The following NSMCE2 variants were observed in gnomAD, a reference collection of about 807,000 sequenced individuals.
NSMCE2 encodes the protein E3 SUMO-protein ligase NSE2.
Under a neutral mutation model 23.8 loss-of-function variants are expected in NSMCE2, and 24 were observed. The ratio of observed to expected loss-of-function variants is 1.01; its 90% confidence interval spans 0.73 to 1.42. NSMCE2 has a LOEUF of 1.42. Ranked by LOEUF, NSMCE2 falls within the 40% of genes most tolerant of loss-of-function variation. NSMCE2 has a pLI of 0.00. For missense variants in NSMCE2, 284 were observed against 296.5 expected (o/e 0.96, Z 0.31); for synonymous variants, 92 against 94.1 (o/e 0.98, Z 0.13).
rs536723257 is a variant in NSMCE2, at chr8:125,287,835, C to T, written c.419-69384C>T. ...CCTCTCTGCAGAATATCTCCAGTGA[C>T]CTGCACATTGCCAGTTTTCCAATCC... On this transcript the variant is annotated intron_variant, in intron 5 of 7. Transcript: ENST00000287437. Among the ~76,000 whole-genome samples the T allele has an allele frequency of 5.9e-5, 9 of 152,318 alleles. No individual in the cohort carries two copies. The South Asian group carries it at 1.7e-3, about 28-fold the overall frequency.
At chr8:125,143,273 A>G (rs763379139) in intron 3 of NSMCE2, among the ~76,000 whole-genome samples, 27 of 152,330 alleles carry the variant, frequency 1.8e-4, no homozygotes, top group Non-Finnish European at 2.1e-4. Flanking sequence ...TTATCCAAAA[A>G]GAATAGATGT....
intron 5 of NSMCE2, among the ~76,000 whole-genome samples, chr8:125,245,046 G>T (rs1279748070): frequency 1.3e-5 from 2 of 152,162 alleles, no homozygotes; most frequent in Non-Finnish European, 2.9e-5. Context: ...ACTTCAGGAG[G>T]CCAAGGCAGC....
intron 5 of NSMCE2, among the ~76,000 whole-genome samples, chr8:125,256,731 C>T (rs1426288776): frequency 6.6e-6 from 1 of 151,684 alleles, no homozygotes; most frequent in Non-Finnish European, 1.5e-5. Flanking sequence ...CGGGACCATC[C>T]TGGCTAACAT....
At chr8:125,144,585 G>A (rs560116002) in intron 3 of NSMCE2, among the ~76,000 whole-genome samples, 1 of 152,274 alleles carries the variant, frequency 6.6e-6, no homozygotes, top group Admixed American at 6.5e-5. Context: ...AGTCACAAAG[G>A]ACCTGGAATT....
intron 5 of NSMCE2, among the ~76,000 whole-genome samples, chr8:125,317,294 C>T (rs1339073846): frequency 6.6e-6 from 1 of 151,838 alleles, no homozygotes; most frequent in Admixed American, 6.6e-5. Flanking sequence ...ACCTCCTGGG[C>T]TTAAGTGATC....
intron 4 of NSMCE2, among the ~76,000 whole-genome samples, chr8:125,152,832 C>A (rs1161124904): frequency 6.6e-6 from 1 of 151,826 alleles, no homozygotes; most frequent in Non-Finnish European, 1.5e-5. Flanking sequence ...CCGAGGCAGG[C>A]GGATCACCTG....
At chr8:125,119,726 G>A (rs74596664) in intron 3 of NSMCE2, among the ~76,000 whole-genome samples, 3,563 of 152,136 alleles carry the variant, frequency 0.023, 131 homozygotes, top group African/African-American at 0.079. Context: ...AAAATTTTAC[G>A]TCTTCTAGTA....
chr8:125,187,913 G>T (rs1213348436), intron 5 of NSMCE2, among the ~76,000 whole-genome samples: 1 of 152,028 alleles, frequency 6.6e-6, no homozygotes, highest in South Asian at 2.1e-4. Context: ...TATCTGAAAA[G>T]GTTCACCACA....
chr8:125,129,676 C>G (rs1051782505), intron 3 of NSMCE2, among the ~76,000 whole-genome samples: 1 of 151,892 alleles, frequency 6.6e-6, no homozygotes, highest in Non-Finnish European at 1.5e-5. Context: ...ATTGTTTATA[C>G]TAAATAATAG....
intron 5 of NSMCE2, chr8:125,348,785 C>T (rs1812895516): frequency 6.6e-6 from 1 of 152,126 alleles, no homozygotes; most frequent in African/African-American, 2.4e-5. Context: ...AACTGTGAGT[C>T]CATTAAACTT....
At chr8:125,113,014 C>T (rs1253407354) in intron 3 of NSMCE2, among the ~76,000 whole-genome samples, 1 of 128,166 alleles carries the variant, frequency 7.8e-6, no homozygotes, top group Non-Finnish European at 1.6e-5. Flanking sequence ...TAATTTTTGT[C>T]AATTAAAAAT....
At chr8:125,257,314 G>A (rs1826476810) in intron 5 of NSMCE2, among the ~76,000 whole-genome samples, 2 of 151,308 alleles carry the variant, frequency 1.3e-5, no homozygotes, top group African/African-American at 2.4e-5. Context: ...GACATTTAAA[G>A]GAAAATGTGC....
chr8:125,164,553 C>T (rs1341146143), intron 4 of NSMCE2, among the ~76,000 whole-genome samples: 1 of 151,952 alleles, frequency 6.6e-6, no homozygotes, highest in African/African-American at 2.4e-5. Context: ...ACTGATGTGG[C>T]GTGTGTTAGA....
At chr8:125,324,055 T>G (rs1422414749) in intron 5 of NSMCE2, among the ~76,000 whole-genome samples, 1 of 152,176 alleles carries the variant, frequency 6.6e-6, no homozygotes, top group East Asian at 1.9e-4. Flanking sequence ...AATATATAGA[T>G]GACAAGCACA....
chr8:125,252,812 G>T (rs1370333931), intron 5 of NSMCE2, among the ~76,000 whole-genome samples: 1 of 152,214 alleles, frequency 6.6e-6, no homozygotes, highest in Non-Finnish European at 1.5e-5. Context: ...TAGATTAAAT[G>T]AATGGTTATC....
chr8:125,235,177 G>C (rs751020102), intron 5 of NSMCE2, among the ~76,000 whole-genome samples: 34 of 151,890 alleles, frequency 2.2e-4, no homozygotes, highest in Non-Finnish European at 3.8e-4. Flanking sequence ...GGAGGCAGAG[G>C]TTGCAGTGAG....
chr8:125,291,831 G>A (rs576242430), intron 5 of NSMCE2, among the ~76,000 whole-genome samples: 1 of 152,100 alleles, frequency 6.6e-6, no homozygotes. Context: ...ACTAACAGGA[G>A]TTTCTATATA....
At chr8:125,275,539 C>A (rs975150838) in intron 5 of NSMCE2, among the ~76,000 whole-genome samples, 1 of 152,164 alleles carries the variant, frequency 6.6e-6, no homozygotes, top group South Asian at 2.1e-4. Context: ...GAATTCTACT[C>A]ATTTGTATTT....
chr8:125,182,007 T>G (rs2130802542), intron 4 of NSMCE2, 96 bp from the exon 5 acceptor site: 2 of 913,530 alleles, frequency 2.2e-6, no homozygotes, highest in East Asian at 2.5e-5. Context: ...CACTATCTTT[T>G]GCTTTGAATT....
Sources: gnomAD v4.1 joint callset for allele counts (sites outside exome capture counted in the v4.1 genomes callset) on GRCh38, gnomAD v4.1.1 for gene constraint, MANE v1.5 for transcripts, NCBI Gene and HGNC (gene_info 2026-07-23, HGNC 2026-07-21) for gene names.